Variants in IL1RAPL2 observed in about 807,000 individuals in gnomAD.
IL1RAPL2 encodes interleukin 1 receptor accessory protein like 2, also known as X-linked interleukin-1 receptor accessory protein-like 2.
In IL1RAPL2, 3 loss-of-function variants were observed where a neutral mutation model predicts 44.1. That is an observed-to-expected ratio of 0.07 (90% CI 0.03 to 0.18). The LOEUF is 0.18. Ranked by LOEUF, IL1RAPL2 falls within the 10% of genes least tolerant of loss-of-function variation. IL1RAPL2 has a pLI of 1.00. For missense variants in IL1RAPL2, 391 were observed against 496.4 expected, an observed-to-expected ratio of 0.79 and a Z score of 2.02; for synonymous variants, 181 against 178.8, an observed-to-expected ratio of 1.01 and a Z score of -0.10.
At position 104,914,509 on chromosome X, in the gene IL1RAPL2, CT is replaced by C. The variant is rs1425456804; in HGVS notation, c.82+255516del. Among the ~76,000 whole-genome samples, 159 of 111,736 alleles carry C rather than the reference CT, an allele frequency of 1.4e-3. 1 individual carries two copies. The highest frequency in any genetic ancestry group is 4.8e-3 in the African/African-American group (148 of 30,792). ...ATATAAATGCATCTGGAAAGATATT[CT>C]TCTATTGTTAATTGAGAAAAGCAAG... is the stretch of plus-strand genomic sequence containing the variant. On this transcript the variant is annotated intron_variant, in intron 2 of 10. Coordinates refer to ENST00000372582, the MANE Select transcript of IL1RAPL2 (RefSeq NM_017416.2).
chrX:105,721,002 A>G (rs946822300), intron 7 of IL1RAPL2, among the ~76,000 whole-genome samples: 1 of 111,178 alleles, frequency 9.0e-6, no homozygotes. Flanking sequence ...AGACATGTAT[A>G]TGAATGGTCA....
intron 5 of IL1RAPL2, among the ~76,000 whole-genome samples, chrX:105,306,272 C>A (rs1354695304): frequency 1.8e-5 from 2 of 110,797 alleles, no homozygotes; most frequent in African/African-American, 6.6e-5. Context: ...AGATATCATG[C>A]CCCTTTCATC....
At chrX:104,664,302 A>G (rs1930451709) in intron 2 of IL1RAPL2, among the ~76,000 whole-genome samples, 1 of 110,911 alleles carries the variant, frequency 9.0e-6, no homozygotes, top group Non-Finnish European at 1.9e-5. Context: ...CTCCACATAG[A>G]TCTCATGGGC....
intron 6 of IL1RAPL2, among the ~76,000 whole-genome samples, chrX:105,590,042 A>G (rs1029056128): frequency 1.8e-5 from 2 of 111,651 alleles, no homozygotes; most frequent in South Asian, 7.5e-4. Flanking sequence ...TGTGTCATGT[A>G]TGATTTCTTT....
At chrX:104,718,607 T>TGTAA (rs1931622347) in intron 2 of IL1RAPL2, among the ~76,000 whole-genome samples, 2 of 111,172 alleles carry the variant, frequency 1.8e-5, no homozygotes, top group African/African-American at 6.5e-5. Context: ...TTGTTTCCCC[T>TGTAA]TCACCTTCCA....
intron 2 of IL1RAPL2, among the ~76,000 whole-genome samples, chrX:105,158,691 T>C (rs1282871431): frequency 8.9e-6 from 1 of 112,023 alleles, no homozygotes; most frequent in Non-Finnish European, 1.9e-5. Context: ...TGATGGCTTG[T>C]TTTGGGCCAC....
chrX:104,980,565 C>T (rs777748134), intron 2 of IL1RAPL2, among the ~76,000 whole-genome samples: 2 of 112,676 alleles, frequency 1.8e-5, no homozygotes, highest in Non-Finnish European at 3.8e-5. Context: ...CCTCTGCCTA[C>T]AAAGGCATTC....
At chrX:105,457,800 T>G (rs1267691113) in intron 5 of IL1RAPL2, among the ~76,000 whole-genome samples, 1 of 110,241 alleles carries the variant, frequency 9.1e-6, no homozygotes, top group Non-Finnish European at 1.9e-5. Context: ...AAATATCTCC[T>G]TGAGTTTCTT....
chrX:105,283,979 T>C (rs1486799674), intron 5 of IL1RAPL2, among the ~76,000 whole-genome samples: 1 of 111,732 alleles, frequency 8.9e-6, no homozygotes, highest in East Asian at 2.8e-4. Context: ...TTAAGCATGA[T>C]AATTGTACCT....
chrX:105,759,301 A>G (rs1484503356), intron 10 of IL1RAPL2, among the ~76,000 whole-genome samples: 1 of 112,022 alleles, frequency 8.9e-6, no homozygotes. Flanking sequence ...CATATGCAAT[A>G]TTTATTAACA....
At chrX:104,679,719 A>C (rs1255313437) in intron 2 of IL1RAPL2, among the ~76,000 whole-genome samples, 1 of 111,545 alleles carries the variant, frequency 9.0e-6, no homozygotes, top group African/African-American at 3.3e-5. Context: ...TGCCATTTTC[A>C]CATTCTTGAT....
chrX:105,092,308 A>G (rs2032553309), intron 2 of IL1RAPL2, among the ~76,000 whole-genome samples: 6 of 111,637 alleles, frequency 5.4e-5, no homozygotes, highest in Admixed American at 4.8e-4. Context: ...AACTTACTGA[A>G]AGCTATCATA....
At chrX:104,948,838 T>C (rs1324300218) in intron 2 of IL1RAPL2, among the ~76,000 whole-genome samples, 1 of 110,137 alleles carries the variant, frequency 9.1e-6, no homozygotes, top group Non-Finnish European at 1.9e-5. Flanking sequence ...TATTGAGGAT[T>C]TTTGCATCAA....
At chrX:105,342,739 A>G (rs1187621347) in intron 5 of IL1RAPL2, among the ~76,000 whole-genome samples, 1 of 112,346 alleles carries the variant, frequency 8.9e-6, no homozygotes, top group African/African-American at 3.2e-5. Flanking sequence ...ATTCTGTAGC[A>G]AGGTTAAACC....
chrX:105,425,574 G>A (rs914552778), intron 5 of IL1RAPL2, among the ~76,000 whole-genome samples: 1 of 107,903 alleles, frequency 9.3e-6, no homozygotes, highest in African/African-American at 3.4e-5. Flanking sequence ...TTGACTCAGT[G>A]TAACTTCCCT....
At position 105,012,598 on chromosome X, in the gene IL1RAPL2, T is replaced by TTCTCTCTCTCTCTC. The variant is rs1174323282; in HGVS notation, c.83-182842_83-182829dup. Among the ~76,000 whole-genome samples, 71 of 51,717 alleles carry TTCTCTCTCTCTCTC rather than the reference T, an allele frequency of 1.4e-3. 1 individual carries two copies. Among genetic ancestry groups the TTCTCTCTCTCTCTC allele is most frequent in the Non-Finnish European group, 1.6e-3 (48 of 30,924 alleles). 44.9% of individuals were successfully genotyped at this position (51,717 alleles called of 115,157 possible). ...AGCACAGGCAAGGCTAACTTTCTCT[T>TTCTCTCTCTCTCTC]TCTCTCTCTCTCTCTCTCTCTCTCT... On this transcript the variant is annotated intron_variant, in intron 2 of 10. Coordinates refer to ENST00000372582, the MANE Select transcript of IL1RAPL2 (RefSeq NM_017416.2).
chrX:105,104,644 T>C (rs979722431), intron 2 of IL1RAPL2, among the ~76,000 whole-genome samples: 1 of 111,912 alleles, frequency 8.9e-6, no homozygotes, highest in Non-Finnish European at 1.9e-5. Context: ...TCATTCTTCA[T>C]TCATTTATTC....
chrX:104,580,619 A>G (rs1928327855), intron 1 of IL1RAPL2, among the ~76,000 whole-genome samples: 1 of 111,935 alleles, frequency 8.9e-6, no homozygotes, highest in Non-Finnish European at 1.9e-5. Flanking sequence ...CAGAAGGTAT[A>G]TATATTTAGA....
chrX:105,622,328 G>A (rs1221058023), intron 6 of IL1RAPL2, among the ~76,000 whole-genome samples: 1 of 108,553 alleles, frequency 9.2e-6, no homozygotes, highest in Non-Finnish European at 1.9e-5. Flanking sequence ...ATCAGAGACT[G>A]CCTAGGATTT....
Sources: allele counts gnomAD v4.1 joint callset (sites outside exome capture counted in the v4.1 genomes callset), GRCh38; gene constraint gnomAD v4.1.1; transcripts MANE v1.5; gene names NCBI Gene and HGNC (gene_info 2026-07-23, HGNC 2026-07-21).